The following SAMD5 variants were observed in gnomAD, a reference collection of about 807,000 sequenced individuals.
SAMD5 encodes sterile alpha motif domain containing 5.
In SAMD5, 13 loss-of-function variants were observed where a neutral mutation model predicts 11.3. The ratio of observed to expected loss-of-function variants is 1.15; its 90% CI spans 0.75 to 1.83. The LOEUF (loss-of-function observed/expected upper bound fraction) is 1.83, where lower values mean the gene tolerates loss of function less well. Ranked by LOEUF, SAMD5 falls within the 40% of genes most tolerant of loss-of-function variation. SAMD5 has a pLI of 0.00. For synonymous variants in SAMD5, 129 were observed against 111.3 expected, an observed-to-expected ratio of 1.16 and a Z score of -1.00; for missense variants, 255 against 239.1, an observed-to-expected ratio of 1.07 and a Z score of -0.44.
intron 1 of SAMD5, among the ~76,000 whole-genome samples, chr6:147,720,660 G>A (rs1230554119): frequency 6.6e-6 from 1 of 151,888 alleles, no homozygotes. Context: ...TACACTGACT[G>A]TATATAAGAC....
intron 1 of SAMD5, among the ~76,000 whole-genome samples, chr6:147,715,315 C>G (rs1334112750): frequency 6.6e-6 from 1 of 152,216 alleles, no homozygotes; most frequent in Non-Finnish European, 1.5e-5. Flanking sequence ...CTGTGCACAG[C>G]CAGGCACACT....
At chr6:147,527,009 G>T (rs1293702440) in intron 1 of SAMD5, among the ~76,000 whole-genome samples, 1 of 152,108 alleles carries the variant, frequency 6.6e-6, no homozygotes, top group Non-Finnish European at 1.5e-5. Flanking sequence ...CTCTTCAGGA[G>T]TTCCTAATCT....
At position 147,636,915 on chromosome 6, in the gene SAMD5, AT is replaced by A. The variant is rs34637969; in HGVS notation, c.163-100391del. Among the ~76,000 whole-genome samples, 241 of 150,408 alleles carry A rather than the reference AT, an allele frequency of 1.6e-3. 1 individual carries two copies. Among genetic ancestry groups the A allele is most frequent in the African/African-American group, 5.2e-3 (213 of 41,006 alleles). ...TCAGACCACACAATAGACTTAAGGA[AT>A]TTTTTTTTTTAAAGACATCGTATTG... On this transcript the variant is annotated intron_variant, in intron 1 of 1. Coordinates refer to the SAMD5 transcript ENST00000566741.
rs539442222 is a variant in SAMD5 at position 147,518,162 on chromosome 6, A to G, written c.459+8775A>G. Among the ~76,000 whole-genome samples, 77 of 152,204 alleles carry G rather than the reference A, an allele frequency of 5.1e-4. 1 individual carries two copies. Among genetic ancestry groups the G allele is most frequent in the South Asian group, 1.4e-3 (7 of 4,828 alleles). Reference sequence around the variant, plus strand: ...GTGCCCGGATATCAGTAAACTGTGCAGCACTCGATGGATTAATCAGGATTT... The same window carrying G: ...GTGCCCGGATATCAGTAAACTGTGCGGCACTCGATGGATTAATCAGGATTT... On this transcript the variant is annotated intron_variant, in intron 1 of 1. Coordinates refer to ENST00000367474, the MANE Select transcript of SAMD5 (RefSeq NM_001030060.3).
the SAMD5 span, among the ~76,000 whole-genome samples, chr6:147,897,248 GAC>G: frequency 6.6e-6 from 1 of 152,118 alleles, no homozygotes; most frequent in Non-Finnish European, 1.5e-5. Flanking sequence ...TGCAGGTTTA[GAC>G]ACAAACTAGA....
the SAMD5 span, among the ~76,000 whole-genome samples, chr6:147,892,425 A>G: frequency 6.6e-6 from 1 of 152,230 alleles, no homozygotes; most frequent in Non-Finnish European, 1.5e-5. Context: ...ATGAATTACC[A>G]TTTTGGTTTA....
intron 1 of SAMD5, among the ~76,000 whole-genome samples, chr6:147,642,044 C>T (rs1463543646): frequency 6.6e-6 from 1 of 152,092 alleles, no homozygotes; most frequent in Non-Finnish European, 1.5e-5. Context: ...ATGAATTATA[C>T]CTTTTGTTAA....
At chr6:147,529,572 C>T (rs553062372) in intron 1 of SAMD5, among the ~76,000 whole-genome samples, 2 of 152,300 alleles carry the variant, frequency 1.3e-5, no homozygotes, top group African/African-American at 4.8e-5. Flanking sequence ...TCATTACAGA[C>T]AACCTCATAG....
chr6:147,644,187 C>A (rs1451233015), intron 1 of SAMD5, among the ~76,000 whole-genome samples: 1 of 151,304 alleles, frequency 6.6e-6, no homozygotes, highest in Non-Finnish European at 1.5e-5. Context: ...AAATGCTGCT[C>A]TAATTAGAAA....
chr6:147,621,906 G>A (rs1789974414), intron 1 of SAMD5, among the ~76,000 whole-genome samples: 1 of 152,178 alleles, frequency 6.6e-6, no homozygotes, highest in Non-Finnish European at 1.5e-5. Context: ...AGATGCATCT[G>A]GACTGTTAGT....
At chr6:147,934,895 C>T in the SAMD5 span, among the ~76,000 whole-genome samples, 6 of 151,990 alleles carry the variant, frequency 3.9e-5, no homozygotes, top group African/African-American at 1.4e-4. Flanking sequence ...AACAAGTGGG[C>T]CAAATTGCAA....
At chr6:147,736,941 T>C (rs1791811663) in intron 1 of SAMD5, among the ~76,000 whole-genome samples, 1 of 152,144 alleles carries the variant, frequency 6.6e-6, no homozygotes, top group South Asian at 2.1e-4. Flanking sequence ...ACAGAATACA[T>C]ACCAGCCTTA....
At chr6:147,932,080 T>G in the SAMD5 span, among the ~76,000 whole-genome samples, 14,588 of 152,238 alleles carry the variant, frequency 0.096, 923 homozygotes, top group South Asian at 0.15. Flanking sequence ...ATTAGTCCCT[T>G]TCTTCTGGAA....
At chr6:147,790,789 TC>T in the SAMD5 span, among the ~76,000 whole-genome samples, 6 of 92,112 alleles carry the variant, frequency 6.5e-5, no homozygotes, top group African/African-American at 1.9e-4. Context: ...TCTCTCTCTC[TC>T]TCTCTCTCTC....
At chr6:147,594,880 A>G (rs1789506884) in intron 1 of SAMD5, among the ~76,000 whole-genome samples, 1 of 152,200 alleles carries the variant, frequency 6.6e-6, no homozygotes, top group Non-Finnish European at 1.5e-5. Context: ...CATTTTATTA[A>G]CTATTTGTAT....
the SAMD5 span, among the ~76,000 whole-genome samples, chr6:147,769,235 A>G: frequency 6.6e-6 from 1 of 152,176 alleles, no homozygotes; most frequent in Admixed American, 6.5e-5. Flanking sequence ...ATTTTTATGT[A>G]TTTGTCTGAA....
chr6:147,905,265 G>A, the SAMD5 span, among the ~76,000 whole-genome samples: 7 of 151,356 alleles, frequency 4.6e-5, no homozygotes, highest in East Asian at 7.9e-4. Flanking sequence ...CTTAGCCTCC[G>A]CCTCCCTCCA....
the SAMD5 span, among the ~76,000 whole-genome samples, chr6:147,802,810 C>G: frequency 1.3e-5 from 2 of 152,180 alleles, no homozygotes; most frequent in Non-Finnish European, 2.9e-5. Context: ...CCATAAGACT[C>G]CATTGATACA....
chr6:147,701,316 C>T (rs150424968), intron 1 of SAMD5, among the ~76,000 whole-genome samples: 46 of 152,032 alleles, frequency 3.0e-4, no homozygotes, highest in East Asian at 1.2e-3. Context: ...TTAGATAAAA[C>T]GCAATTCTAA....
Sources: allele counts gnomAD v4.1 joint callset (sites outside exome capture counted in the v4.1 genomes callset), GRCh38; gene constraint gnomAD v4.1.1; transcripts MANE v1.5; gene names NCBI Gene and HGNC (gene_info 2026-07-23, HGNC 2026-07-21).